Variants in VXN observed in about 807,000 individuals in gnomAD.
VXN encodes the protein vexin.
A neutral mutation model predicts 23.1 loss-of-function variants in VXN; 7 were observed. That is an observed-to-expected ratio of 0.30 (90% CI 0.17 to 0.57). The LOEUF (loss-of-function observed/expected upper bound fraction) is 0.57. Among genes scored for constraint, VXN ranks in the 20% least tolerant of loss-of-function variants. The pLI is 0.91. For missense variants in VXN, 238 were observed against 272.6 expected (o/e 0.87, Z 0.89); for synonymous variants, 120 against 105.8 (o/e 1.13, Z -0.83).
Position 66,515,947 on chromosome 8 carries a change from A to G in VXN, c.495A>G (p.Ala165=), listed in dbSNP as rs761723738. 12 of 1,613,822 alleles carry G rather than the reference A, an allele frequency of 7.4e-6. No individual in the cohort carries two copies. In the Admixed American group the frequency reaches 1.7e-4, roughly 22 times the overall value. ...AGTATCCAGCCCTTCCCCAAGGAGC[A>G]GAAGCCTCTCTACCACTGACAGGCA... The part of the protein sequence containing the change: ...TEEYPALPQG[A]EASLPLTGSA... The change falls in exon 6 of 6, where the codon GCA becomes GCG. Residue 165 remains alanine, a synonymous_variant. Coordinates refer to ENST00000305454, the MANE Select transcript of VXN (RefSeq NM_152765.4).
At chr8:66,510,063 A>G (rs764546363) in intron 3 of VXN, 33 bp from the exon 4 acceptor site, 2 of 1,584,486 alleles carry the variant, frequency 1.3e-6, no homozygotes, top group South Asian at 2.2e-5. Context: ...ACAGAGTACC[A>G]CTGAGTAATA....
At chr8:66,505,150 G>C (rs1807735200) in intron 2 of VXN, 2 of 691,590 alleles carry the variant, frequency 2.9e-6, no homozygotes, top group Admixed American at 2.1e-5. Context: ...ACCCTCATTT[G>C]CTTGCCCCAT....
At chr8:66,502,607 C>T (rs1042836568) in intron 2 of VXN, among the ~76,000 whole-genome samples, 1 of 151,914 alleles carries the variant, frequency 6.6e-6, no homozygotes, top group Non-Finnish European at 1.5e-5. Context: ...ATTAGCCAGG[C>T]GTGGTGGCAG....
chr8:66,511,412 G>A (rs1007917363), intron 4 of VXN, among the ~76,000 whole-genome samples: 1 of 152,218 alleles, frequency 6.6e-6, no homozygotes, highest in Non-Finnish European at 1.5e-5. Context: ...CTCCTGGTCT[G>A]GGCAGGAGAC....
At position 66,516,168 on chromosome 8, in the gene VXN, G is replaced by C; in HGVS notation, c.*92G>C. The C allele has an allele frequency of 8.4e-7, 1 of 1,193,996 alleles. No homozygotes were observed. The highest frequency in any genetic ancestry group is 1.1e-6 in the Non-Finnish European group (1 of 876,800). The allele number at this position is 1,193,996 out of a possible 1,614,324, so 74.0% of individuals were successfully genotyped here. On this transcript the variant is annotated 3_prime_UTR_variant, in exon 6 of 6. Transcript: ENST00000305454. ...TTGAAACTGAGCCACACGCACCTCTGCTAGTAGCTGGTCCAAACCCATTAT... is the reference window on the plus strand; with the variant it reads ...TTGAAACTGAGCCACACGCACCTCTCCTAGTAGCTGGTCCAAACCCATTAT...
At chr8:66,497,250 A>G (rs1807637541) in intron 2 of VXN, among the ~76,000 whole-genome samples, 1 of 152,242 alleles carries the variant, frequency 6.6e-6, no homozygotes, top group African/African-American at 2.4e-5. Context: ...AGGTAAAAGG[A>G]TAAGAACAAT....
chr8:66,494,290 C>T (rs572387586), intron 1 of VXN, among the ~76,000 whole-genome samples: 1 of 152,286 alleles, frequency 6.6e-6, no homozygotes, highest in South Asian at 2.1e-4. Context: ...AGAGTCTTGA[C>T]TTTATAAGCT....
At chr8:66,503,320 C>T (rs1487645913) in intron 2 of VXN, 1 of 152,176 alleles carries the variant, frequency 6.6e-6, no homozygotes, top group Non-Finnish European at 1.5e-5. Flanking sequence ...TGGGCTAGAA[C>T]ATTTCTGTGA....
intron 1 of VXN, 143 bp from the exon 2 acceptor site, chr8:66,496,294 C>T (rs1380161351): frequency 8.5e-5 from 59 of 693,292 alleles, no homozygotes; most frequent in African/African-American, 1.1e-4. Context: ...CATCTTCAAT[C>T]GCAACGACCC....
chr8:66,513,109 G>A (rs1359234329), intron 4 of VXN, among the ~76,000 whole-genome samples: 7 of 152,316 alleles, frequency 4.6e-5, no homozygotes, highest in African/African-American at 1.2e-4. Flanking sequence ...CCTACCCTAC[G>A]TAGCCTAATC....
chr8:66,513,660 C>CAG, intron 5 of VXN, 23 bp downstream of exon 5: 1 of 1,597,484 alleles, frequency 6.3e-7, no homozygotes, highest in African/African-American at 1.3e-5. Flanking sequence ...TCTCTGGCCC[C>CAG]ACTGCCTGTG....
intron 3 of VXN, among the ~76,000 whole-genome samples, chr8:66,506,471 C>T (rs952774706): frequency 1.3e-5 from 2 of 151,810 alleles, no homozygotes; most frequent in African/African-American, 2.4e-5. Context: ...GCCTCTAGCC[C>T]ACCCAAGTCT....
chr8:66,513,457 C>G (rs964233112), intron 4 of VXN, 83 bp from the exon 5 acceptor site: 27 of 1,129,538 alleles, frequency 2.4e-5, no homozygotes, highest in Non-Finnish European at 3.6e-5. Flanking sequence ...CCATTCAGTC[C>G]CCCCACTTGC....
intron 3 of VXN, among the ~76,000 whole-genome samples, chr8:66,509,539 G>A (rs1397496448): frequency 6.6e-6 from 1 of 152,000 alleles, no homozygotes; most frequent in Non-Finnish European, 1.5e-5. Context: ...TTTTTAGAGG[G>A]GTGTCCACAG....
intron 5 of VXN, among the ~76,000 whole-genome samples, chr8:66,515,692 T>C (rs1397599641): frequency 2.6e-5 from 4 of 152,158 alleles, no homozygotes; most frequent in African/African-American, 9.7e-5. Context: ...CAGGGTCACC[T>C]CCTCCATTCA....
intron 4 of VXN, among the ~76,000 whole-genome samples, chr8:66,511,426 A>G (rs2130557153): frequency 6.6e-6 from 1 of 152,328 alleles, no homozygotes; most frequent in African/African-American, 2.4e-5. Context: ...AGGAGACCTA[A>G]TCCAGGGAAT....
intron 2 of VXN, 120 bp downstream of exon 2, chr8:66,496,612 T>C: frequency 1.2e-6 from 1 of 868,508 alleles, no homozygotes; most frequent in Non-Finnish European, 1.9e-6. Context: ...GTGTTCCATG[T>C]GGTGCGTGCT....
intron 2 of VXN, 54 bp downstream of exon 2, chr8:66,496,546 T>C (rs1334086504): frequency 6.5e-7 from 1 of 1,535,984 alleles, no homozygotes; most frequent in African/African-American, 1.4e-5. Context: ...TAAAAAGCAA[T>C]GCCAGGCTTC....
chr8:66,510,117 C>T lies in VXN; in HGVS notation c.302C>T (p.Thr101Ile). ...ARPVGISEPK[T>I]SNLCGNRAYG... Reference sequence around the variant, plus strand: ...GCAGTGGGGATTTCTGAACCCAAAACATCAAATCTGTGTGGGAATCGAGCA... The same window carrying T: ...GCAGTGGGGATTTCTGAACCCAAAATATCAAATCTGTGTGGGAATCGAGCA... Residue 101 changes from threonine to isoleucine, a missense_variant, in exon 4 of 6, where the codon ACA becomes ATA. Thr to Ile is a moderately conservative substitution (Grantham distance 89, BLOSUM62 -1). Transcript: ENST00000305454. The T allele has an allele frequency of 1.9e-6, 3 of 1,613,896 alleles. No individual in the cohort carries two copies. The highest frequency in any genetic ancestry group is 3.3e-5 in the Admixed American group (2 of 59,956).
Sources: gnomAD v4.1 joint callset for allele counts (sites outside exome capture counted in the v4.1 genomes callset) on GRCh38, gnomAD v4.1.1 for gene constraint, MANE v1.5 for transcripts, NCBI Gene and HGNC (gene_info 2026-07-23, HGNC 2026-07-21) for gene names.